BEND6: variants seen among roughly 807,000 people sequenced by gnomAD.
BEND6 encodes BEN domain-containing protein 6.
Under a neutral mutation model 31.8 loss-of-function variants are expected in BEND6, and 24 were observed. The ratio of observed to expected loss-of-function variants is 0.75; its 90% CI spans 0.55 to 1.06. The LOEUF (loss-of-function observed/expected upper bound fraction) is 1.06, where lower values mean the gene tolerates loss of function less well. Ranked by LOEUF, BEND6 falls within the 50% of genes least tolerant of loss-of-function variation. BEND6 has a pLI of 0.00. For missense variants in BEND6, 294 were observed against 327.4 expected, an observed-to-expected ratio of 0.90 and a Z score of 0.79; for synonymous variants, 109 against 114.6, an observed-to-expected ratio of 0.95 and a Z score of 0.31.
chr6:57,000,719 G>A (rs1459271396), intron 3 of BEND6, among the ~76,000 whole-genome samples: 1 of 151,764 alleles, frequency 6.6e-6, no homozygotes, highest in South Asian at 2.1e-4. Flanking sequence ...AAGAGCAGGT[G>A]TGTTGTGGCT....
chr6:56,985,180 G>A (rs750517423), intron 2 of BEND6, among the ~76,000 whole-genome samples: 8 of 152,228 alleles, frequency 5.3e-5, no homozygotes, highest in South Asian at 2.1e-4. Context: ...ATGCCTGTGC[G>A]CTACCACCTG....
chr6:56,975,105 G>T (rs986708222), intron 1 of BEND6, among the ~76,000 whole-genome samples: 1 of 151,908 alleles, frequency 6.6e-6, no homozygotes, highest in Non-Finnish European at 1.5e-5. Flanking sequence ...CAACAAAAGC[G>T]AAACTGTCTC....
At chr6:57,014,979 C>A (rs142020749) in intron 3 of BEND6, among the ~76,000 whole-genome samples, 154 bp from the exon 4 acceptor site, 6 of 152,192 alleles carry the variant, frequency 3.9e-5, no homozygotes, top group African/African-American at 9.6e-5. Flanking sequence ...TAAATATGTT[C>A]CAAACACCTT....
In BEND6 at chr6:56,973,480, AATTAGGC is replaced by A. The variant is rs1222950960; in HGVS notation, c.-100-8229_-100-8223del. On this transcript the variant is annotated intron_variant, in intron 1 of 6. Transcript: ENST00000370746. Reference sequence around the variant, plus strand: ...TACCTATGATAATGTTTAATTTATTAATTAGGCACAGTAAAACATTAATAACAATAAC... The same window carrying A: ...TACCTATGATAATGTTTAATTTATTAACAGTAAAACATTAATAACAATAAC... 2.0e-5 allele frequency among the ~76,000 whole-genome samples: 3 copies of A among 152,302 alleles called. 1 individual carries two copies. Among genetic ancestry groups the A allele is most frequent in the Admixed American group, 2.0e-4 (3 of 15,296 alleles).
intron 3 of BEND6, among the ~76,000 whole-genome samples, chr6:56,998,845 G>A (rs1242164982): frequency 6.6e-6 from 1 of 152,102 alleles, no homozygotes; most frequent in African/African-American, 2.4e-5. Context: ...TCAACAGAGT[G>A]AAGAGACAAC....
chr6:56,969,498 T>C (rs1302000803), intron 1 of BEND6, among the ~76,000 whole-genome samples: 1 of 152,204 alleles, frequency 6.6e-6, no homozygotes, highest in African/African-American at 2.4e-5. Context: ...TATTCTGACC[T>C]GAGTACTATA....
chr6:56,957,161 A>G (rs1592957199), intron 1 of BEND6, among the ~76,000 whole-genome samples: 1 of 152,252 alleles, frequency 6.6e-6, no homozygotes, highest in East Asian at 1.9e-4. Flanking sequence ...CTATGACTTT[A>G]GCACAACTGT....
chr6:57,025,636 G>A (rs907628109), intron 6 of BEND6, among the ~76,000 whole-genome samples: 1 of 152,210 alleles, frequency 6.6e-6, no homozygotes. Context: ...TCAAGATGAT[G>A]AGGAAGCTCA....
chr6:57,002,761 A>G (rs935490599), intron 3 of BEND6, among the ~76,000 whole-genome samples: 1 of 152,160 alleles, frequency 6.6e-6, no homozygotes, highest in South Asian at 2.1e-4. Context: ...TCAAAAAGTT[A>G]GAAATACCTC....
chr6:57,000,633 GAAA>G lies in BEND6; in HGVS notation c.298+8091_298+8093del, dbSNP rs34750947. The stretch of plus-strand genomic sequence containing the variant: ...ACAAGAATCCAAAATATGAGATAAT[GAAA>G]AAAAAAAAAAAAGTAGGAGTTGACC... On this transcript the variant is annotated intron_variant, in intron 3 of 6. Coordinates refer to ENST00000370746, the MANE Select transcript of BEND6 (RefSeq NM_152731.3). 2.2e-4 allele frequency among the ~76,000 whole-genome samples: 29 copies of G among 133,616 alleles called. 1 individual carries two copies. The highest frequency in any genetic ancestry group is 1.4e-4 in the Non-Finnish European group (9 of 62,482). 87.7% of individuals were successfully genotyped at this position (133,616 alleles called of 152,430 possible).
In BEND6 at chr6:56,988,736, A is replaced by C. The variant is rs140807934; in HGVS notation, c.121-3642A>C. Among the ~76,000 whole-genome samples, 156 of 152,136 alleles carry C rather than the reference A, an allele frequency of 1.0e-3. 4 individuals carry two copies. The East Asian group carries it at 0.028, about 28-fold the overall frequency. On this transcript the variant is annotated intron_variant, in intron 2 of 6. Coordinates refer to ENST00000370746, the MANE Select transcript of BEND6 (RefSeq NM_152731.3). ...TTTTGTTTAATTTACTTGTGTTTTA[A>C]TAGTTTTATAGGCTGGGCGTGGTGG...
intron 3 of BEND6, among the ~76,000 whole-genome samples, chr6:56,996,888 G>T (rs1469498794): frequency 1.3e-5 from 2 of 152,088 alleles, no homozygotes; most frequent in East Asian, 3.9e-4. Flanking sequence ...CCCTACTTCT[G>T]TTCTTGTTCC....
chr6:56,997,745 A>G (rs1826777089), intron 3 of BEND6, among the ~76,000 whole-genome samples: 2 of 152,048 alleles, frequency 1.3e-5, no homozygotes, highest in Non-Finnish European at 2.9e-5. Context: ...AGTAGAGACG[A>G]GGTTTCACGC....
chr6:56,983,096 C>A (rs991593867), intron 2 of BEND6, among the ~76,000 whole-genome samples: 7 of 152,132 alleles, frequency 4.6e-5, no homozygotes, highest in African/African-American at 1.7e-4. Flanking sequence ...ATGTGTACAT[C>A]ATTTGATAGT....
At chr6:56,986,948 A>G (rs1376760181) in intron 2 of BEND6, among the ~76,000 whole-genome samples, 1 of 148,660 alleles carries the variant, frequency 6.7e-6, no homozygotes, top group Non-Finnish European at 1.5e-5. Context: ...CTCTGTCTAG[A>G]TATTAAGCTG....
intron 3 of BEND6, among the ~76,000 whole-genome samples, chr6:56,993,471 G>T (rs1826587144): frequency 6.6e-6 from 1 of 152,080 alleles, no homozygotes; most frequent in African/African-American, 2.4e-5. Flanking sequence ...CTAGAACAAT[G>T]GCTTATGAAA....
At chr6:57,014,398 A>T in intron 3 of BEND6, 1 of 1,050,796 alleles carries the variant, frequency 9.5e-7, no homozygotes, top group East Asian at 2.9e-5. Flanking sequence ...CCATATAGTG[A>T]GGAACTGAAT....
chr6:57,009,904 C>CT (rs1357270407), intron 3 of BEND6: 1 of 152,152 alleles, frequency 6.6e-6, no homozygotes, highest in Non-Finnish European at 1.5e-5. Context: ...AGCGTGTATC[C>CT]TGCCATTACT....
chr6:56,981,074 A>G (rs1826048169), intron 1 of BEND6, among the ~76,000 whole-genome samples: 1 of 152,172 alleles, frequency 6.6e-6, no homozygotes, highest in African/African-American at 2.4e-5. Flanking sequence ...TCGGCCTGCC[A>G]AAGTGCTGGG....
Sources: allele counts gnomAD v4.1 joint callset (sites outside exome capture counted in the v4.1 genomes callset), GRCh38; gene constraint gnomAD v4.1.1; transcripts MANE v1.5; gene names NCBI Gene and HGNC (gene_info 2026-07-23, HGNC 2026-07-21).